The following DDR2 variants were observed in gnomAD, a reference collection of about 807,000 sequenced individuals.
The protein encoded by DDR2 is discoidin domain receptor tyrosine kinase 2.
In DDR2, 27 loss-of-function variants were observed where a neutral mutation model predicts 94.9. The ratio of observed to expected loss-of-function variants is 0.28; its 90% CI spans 0.21 to 0.39. The LOEUF is 0.39. DDR2 is among the 10% of genes least tolerant of loss of function. The pLI is 1.00. For synonymous variants in DDR2, 382 were observed against 377.2 expected (o/e 1.01, Z -0.15); for missense variants, 783 against 1,076.0 (o/e 0.73, Z 3.81).
At chr1:162,749,252 C>A (rs1268883193) in intron 3 of DDR2, among the ~76,000 whole-genome samples, 1 of 152,100 alleles carries the variant, frequency 6.6e-6, no homozygotes, top group Non-Finnish European at 1.5e-5. Flanking sequence ...AATTGATAGA[C>A]CGCTAGCAAG....
At chr1:162,751,546 G>A (rs1558064249) in intron 3 of DDR2, among the ~76,000 whole-genome samples, 1 of 152,182 alleles carries the variant, frequency 6.6e-6, no homozygotes, top group Admixed American at 6.5e-5. Flanking sequence ...TACGCTGTTG[G>A]TGGGAGTGTA....
Position 162,689,429 on chromosome 1 carries a change from TA to T in DDR2, c.-27-29606del, listed in dbSNP as rs1304539842. On this transcript the variant is annotated intron_variant, in intron 2 of 17. Transcript: ENST00000367921. ...CATACATGAAAACCAATGGAGAAAT[TA>T]AGGTTTCAACCTAGGCAGTTAAGGC... Among the ~76,000 whole-genome samples, 3 of 152,200 alleles carry T rather than the reference TA, an allele frequency of 2.0e-5. No homozygotes were observed. The East Asian group carries it at 5.8e-4, about 29-fold the overall frequency.
chr1:162,745,300 T>C (rs1662795343), intron 3 of DDR2, among the ~76,000 whole-genome samples: 1 of 152,262 alleles, frequency 6.6e-6, no homozygotes, highest in Non-Finnish European at 1.5e-5. Flanking sequence ...TTGTTCATTG[T>C]TTCCTTTGCT....
At chr1:162,734,342 C>T (rs540569204) in intron 3 of DDR2, among the ~76,000 whole-genome samples, 1 of 152,294 alleles carries the variant, frequency 6.6e-6, no homozygotes, top group East Asian at 1.9e-4. Flanking sequence ...AAAACACTTC[C>T]TTTATCACTT....
At chr1:162,733,990 A>T (rs1182251669) in intron 3 of DDR2, among the ~76,000 whole-genome samples, 1 of 152,232 alleles carries the variant, frequency 6.6e-6, no homozygotes, top group Non-Finnish European at 1.5e-5. Context: ...TGCCTATTTG[A>T]TTATGAAAAA....
Position 162,725,527 on chromosome 1 carries a change from C to T in DDR2, c.82+6382C>T, listed in dbSNP as rs183734532. ...CCAAGTAGCTGGGACTACAGGCATGCGCCACCACACCCAACTAGTTTGGGT... is the reference window on the plus strand; with the variant it reads ...CCAAGTAGCTGGGACTACAGGCATGTGCCACCACACCCAACTAGTTTGGGT... On this transcript the variant is annotated intron_variant, in intron 3 of 17. Coordinates refer to ENST00000367921, the MANE Select transcript of DDR2 (RefSeq NM_006182.4). Among the ~76,000 whole-genome samples the T allele has an allele frequency of 5.3e-5, 8 of 152,242 alleles. No homozygotes were observed. In the East Asian group the frequency reaches 9.7e-4, roughly 18 times the overall value.
At chr1:162,709,931 T>C (rs1210699576) in intron 2 of DDR2, among the ~76,000 whole-genome samples, 1 of 152,202 alleles carries the variant, frequency 6.6e-6, no homozygotes, top group Non-Finnish European at 1.5e-5. Flanking sequence ...TGCCTTCAGT[T>C]TGCATTTTCT....
intron 2 of DDR2, among the ~76,000 whole-genome samples, chr1:162,710,879 G>T (rs12084347): frequency 0.013 from 1,904 of 152,070 alleles, 31 homozygotes; most frequent in African/African-American, 0.044. Context: ...TACCTTTCCT[G>T]CAGGGGAGGT....
At chr1:162,639,578 TGATG>T (rs1429875099) in intron 1 of DDR2, among the ~76,000 whole-genome samples, 1 of 152,220 alleles carries the variant, frequency 6.6e-6, no homozygotes, top group African/African-American at 2.4e-5. Flanking sequence ...TTGGATATTG[TGATG>T]ACTTTTTAGT....
At chr1:162,680,166 T>C (rs1659334490) in intron 2 of DDR2, among the ~76,000 whole-genome samples, 3 of 152,222 alleles carry the variant, frequency 2.0e-5, no homozygotes, top group Admixed American at 2.0e-4. Flanking sequence ...TCTGTTTTTG[T>C]TGCAATTGCT....
intron 2 of DDR2, among the ~76,000 whole-genome samples, chr1:162,703,272 A>G (rs1443526511): frequency 2.6e-5 from 4 of 152,228 alleles, no homozygotes; most frequent in African/African-American, 9.6e-5. Context: ...ATGAGATAAA[A>G]ATAGAGATAA....
At chr1:162,764,116 G>GT (rs1663879933) in intron 9 of DDR2, among the ~76,000 whole-genome samples, 1 of 152,144 alleles carries the variant, frequency 6.6e-6, no homozygotes, top group South Asian at 2.1e-4. Context: ...CACCAGTGTG[G>GT]TATACAGTTA....
intron 3 of DDR2, 32 bp downstream of exon 3, chr1:162,719,177 A>G (rs544199531): frequency 6.2e-7 from 1 of 1,613,472 alleles, no homozygotes; most frequent in South Asian, 1.1e-5. Flanking sequence ...TATATGCTAG[A>G]AGACCAGCAG....
chr1:162,681,081 G>A (rs994567986), intron 2 of DDR2, among the ~76,000 whole-genome samples: 1 of 152,116 alleles, frequency 6.6e-6, no homozygotes, highest in Non-Finnish European at 1.5e-5. Context: ...TTAAGCCTGG[G>A]CTCTGCTTCC....
intron 1 of DDR2, among the ~76,000 whole-genome samples, chr1:162,653,464 G>A (rs1274918346): frequency 1.3e-5 from 2 of 151,970 alleles, no homozygotes; most frequent in Admixed American, 6.6e-5. Context: ...GTAATCCCAG[G>A]TACTTAGGAA....
intron 2 of DDR2, among the ~76,000 whole-genome samples, chr1:162,699,601 G>T (rs1178455158): frequency 6.6e-6 from 1 of 152,138 alleles, no homozygotes; most frequent in East Asian, 1.9e-4. Flanking sequence ...GCAGGTGGTT[G>T]GATACAGTTA....
In DDR2 at chr1:162,783,000, A is replaced by G. The variant is rs1387860141; in HGVS notation, c.*2754A>G. 8 of 152,160 alleles carry G rather than the reference A, an allele frequency of 5.3e-5. No homozygotes were observed. The highest frequency in any genetic ancestry group is 8.8e-5 in the Non-Finnish European group (6 of 68,010). 9.4% of individuals were successfully genotyped at this position (152,160 alleles called of 1,614,324 possible). A position where few individuals can be genotyped will look rare whatever the true frequency, so the allele number is the denominator to read the frequency against. ...AAATCCATGCAACCCAACAGAATAC[A>G]TGGTGAGGGCCTAGTATGTAGAATT... On this transcript the variant is annotated 3_prime_UTR_variant, in exon 18 of 18. Coordinates refer to ENST00000367921, the MANE Select transcript of DDR2 (RefSeq NM_006182.4).
At position 162,770,461 on chromosome 1, in the gene DDR2, T is replaced by A. The variant is rs759797275; in HGVS notation, c.1453T>A (p.Ser485Thr). The stretch of plus-strand genomic sequence containing the variant: ...CCTTCGCCCTGACTACCAGGAGCCA[T>A]CCAGGCTGATACGAAAACTCCCAGA... The part of the protein sequence containing the change: ...FPLRPDYQEP[S>T]RLIRKLPEFA... Residue 485 changes from serine (S) to threonine (T), a missense_variant, in exon 12 of 18, where the codon TCC becomes ACC. Ser to Thr is a moderately conservative substitution (Grantham distance 58). This residue lies in a region of DDR2 where 519 missense variants were observed against 647.9 expected (regional missense o/e 0.80). Transcript: ENST00000367921. The A allele has an allele frequency of 6.2e-6, 10 of 1,614,036 alleles. No individual in the cohort carries two copies. In the Admixed American group the frequency reaches 1.7e-4, roughly 27 times the overall value.
At chr1:162,677,606 C>T (rs1659197536) in intron 2 of DDR2, among the ~76,000 whole-genome samples, 1 of 152,186 alleles carries the variant, frequency 6.6e-6, no homozygotes, top group Non-Finnish European at 1.5e-5. Context: ...AGCTTTTCTT[C>T]TCCTGACTTT....
Sources: allele counts gnomAD v4.1 joint callset (sites outside exome capture counted in the v4.1 genomes callset), GRCh38; gene constraint gnomAD v4.1.1; regional missense constraint gnomAD v4.1.1; transcripts MANE v1.5; gene names NCBI Gene and HGNC (gene_info 2026-07-23, HGNC 2026-07-21).